RPS6KA5: variants seen among roughly 807,000 people sequenced by gnomAD.
RPS6KA5 encodes the protein ribosomal protein S6 kinase alpha-5.
Under a neutral mutation model 85.5 loss-of-function variants are expected in RPS6KA5, and 27 were observed. The ratio of observed to expected loss-of-function variants is 0.32; its 90% CI spans 0.23 to 0.44. RPS6KA5 has a LOEUF of 0.44. RPS6KA5 is among the 20% of genes least tolerant of loss of function. The pLI is 1.00. For synonymous variants in RPS6KA5, 334 were observed against 348.2 expected (o/e 0.96, Z 0.46); for missense variants, 811 against 980.9 (o/e 0.83, Z 2.31).
intron 13 of RPS6KA5, among the ~76,000 whole-genome samples, chr14:90,891,921 T>A (rs760617587): frequency 4.6e-5 from 7 of 152,064 alleles, no homozygotes; most frequent in African/African-American, 1.7e-4. Context: ...CTTGTCTTCA[T>A]TGAGCCTGCT....
Position 90,894,444 on chromosome 14 carries a change from A to G in RPS6KA5, c.1613T>C (p.Val538Ala). Residue 538 changes from valine (V) to alanine (A), a missense_variant, in exon 13 of 17, where the codon GTT (valine) becomes GCT (alanine). By Grantham distance (64) the Val-to-Ala change is moderately conservative (BLOSUM62 0). This residue lies in a region of RPS6KA5 where 650 missense variants were observed against 793.4 expected (regional missense o/e 0.82). Transcript: ENST00000614987. Reference sequence around the variant, plus strand: ...TTTCAGATCCCTGTGCACCACTCCAACATCATGCATGTGGCTTACAGCTGA... The same window carrying G: ...TTTCAGATCCCTGTGCACCACTCCAGCATCATGCATGTGGCTTACAGCTGA... ...LVSAVSHMHD[V>A]GVVHRDLKPE... 1.2e-6 allele frequency: 2 copies of G among 1,614,106 alleles called. No homozygotes were observed. Among genetic ancestry groups the G allele is most frequent in the Non-Finnish European group, 1.7e-6 (2 of 1,179,990 alleles).
chr14:90,900,101 G>A lies in RPS6KA5; in HGVS notation c.1379+7C>T, dbSNP rs1200037147. 15 of 1,586,814 alleles carry A rather than the reference G, an allele frequency of 9.5e-6. No individual in the cohort carries two copies. Among genetic ancestry groups the A allele is most frequent in the African/African-American group, 1.4e-5 (1 of 73,808 alleles). ...AAGAAAGAATATTATATTAAAAATG[G>A]TCATACCTTTTGCTGATTATTTTGA... On this transcript the variant is annotated splice_region_variant and intron_variant, in intron 11 of 16. Coordinates refer to ENST00000614987, the MANE Select transcript of RPS6KA5 (RefSeq NM_004755.4).
chr14:91,008,339 T>G (rs1378197459), intron 1 of RPS6KA5, among the ~76,000 whole-genome samples: 1 of 152,244 alleles, frequency 6.6e-6, no homozygotes, highest in Admixed American at 6.5e-5. Flanking sequence ...CAGATTTTAT[T>G]CAATGAATTA....
chr14:90,998,381 A>C (rs1168802986), intron 2 of RPS6KA5, among the ~76,000 whole-genome samples: 1 of 152,252 alleles, frequency 6.6e-6, no homozygotes, highest in Non-Finnish European at 1.5e-5. Context: ...TTATATCTCA[A>C]TAAAGTTGTT....
At chr14:90,986,273 CAACT>C (rs1183948656) in intron 2 of RPS6KA5, among the ~76,000 whole-genome samples, 1 of 152,014 alleles carries the variant, frequency 6.6e-6, no homozygotes, top group African/African-American at 2.4e-5. Context: ...CTACACATAC[CAACT>C]GTGTCATACG....
rs998939249 is a variant in RPS6KA5 at position 90,854,484 on chromosome 14, T to A, written c.*17590A>T. On this transcript the variant is annotated 3_prime_UTR_variant, in exon 17 of 17. Transcript: ENST00000614987. Reference sequence around the variant, plus strand: ...TATTTAACTAGAATTTTTAAAGACTTGCGATTTTGCTAAATGTATCATCAT... The same window carrying A: ...TATTTAACTAGAATTTTTAAAGACTAGCGATTTTGCTAAATGTATCATCAT... The A allele has an allele frequency of 6.6e-6, 1 of 152,182 alleles. No individual in the cohort carries two copies. The highest frequency in any genetic ancestry group is 1.5e-5 in the Non-Finnish European group (1 of 68,026). 9.4% of individuals were successfully genotyped at this position (152,182 alleles called of 1,614,324 possible).
chr14:90,974,722 G>T (rs529140183), intron 3 of RPS6KA5, among the ~76,000 whole-genome samples: 1 of 152,334 alleles, frequency 6.6e-6, no homozygotes, highest in East Asian at 1.9e-4. Flanking sequence ...TACCAGACAT[G>T]AGAATGAAAC....
At chr14:90,906,589 A>T (rs2035517992) in intron 7 of RPS6KA5, among the ~76,000 whole-genome samples, 1 of 152,226 alleles carries the variant, frequency 6.6e-6, no homozygotes, top group Admixed American at 6.5e-5. Flanking sequence ...GGAAAAACGG[A>T]AAAGCCTGGG....
intron 1 of RPS6KA5, among the ~76,000 whole-genome samples, chr14:91,051,977 A>G (rs1453157034): frequency 6.6e-6 from 1 of 152,198 alleles, no homozygotes; most frequent in African/African-American, 2.4e-5. Flanking sequence ...CAGAATTTCC[A>G]TGGAAATGCC....
At chr14:90,886,052 CA>C (rs2034204834) in intron 14 of RPS6KA5, among the ~76,000 whole-genome samples, 1 of 151,732 alleles carries the variant, frequency 6.6e-6, no homozygotes, top group Non-Finnish European at 1.5e-5. Context: ...AATACTGTAG[CA>C]AGGTATAGCT....
intron 1 of RPS6KA5, among the ~76,000 whole-genome samples, chr14:91,050,135 T>C (rs2043015393): frequency 6.6e-6 from 1 of 152,112 alleles, no homozygotes; most frequent in South Asian, 2.1e-4. Flanking sequence ...CTCAGCACTT[T>C]GGGAGGCTGA....
intron 1 of RPS6KA5, among the ~76,000 whole-genome samples, chr14:91,015,811 T>G (rs959965144): frequency 2.6e-5 from 4 of 152,204 alleles, no homozygotes; most frequent in Admixed American, 6.5e-5. Flanking sequence ...TTTTCAAGAA[T>G]AATCCTACTT....
intron 5 of RPS6KA5, among the ~76,000 whole-genome samples, chr14:90,930,756 C>T (rs796092120): frequency 5.4e-4 from 82 of 152,206 alleles, no homozygotes; most frequent in African/African-American, 1.8e-3. Flanking sequence ...AGATAACATA[C>T]AAATGGTTAA....
At chr14:91,034,728 G>A (rs2012280) in intron 1 of RPS6KA5, among the ~76,000 whole-genome samples, 2 of 151,984 alleles carry the variant, frequency 1.3e-5, no homozygotes, top group African/African-American at 4.8e-5. Context: ...ATCTTGCTGC[G>A]GTGCACTCTT....
intron 14 of RPS6KA5, 71 bp from the exon 15 acceptor site, chr14:90,875,431 G>GAT: frequency 1.5e-6 from 2 of 1,374,950 alleles, no homozygotes; most frequent in South Asian, 2.7e-5. Context: ...AATCCTAATA[G>GAT]TAACGTAACT....
At chr14:91,039,073 C>T (rs1595531641) in intron 1 of RPS6KA5, among the ~76,000 whole-genome samples, 3 of 152,144 alleles carry the variant, frequency 2.0e-5, no homozygotes, top group Admixed American at 2.0e-4. Context: ...TATTGATTTC[C>T]ACCATCCCCA....
At chr14:91,017,879 C>A (rs1352474813) in intron 1 of RPS6KA5, among the ~76,000 whole-genome samples, 1 of 152,164 alleles carries the variant, frequency 6.6e-6, no homozygotes, top group Non-Finnish European at 1.5e-5. Flanking sequence ...GCTCCTTATG[C>A]CTTTGTATCA....
chr14:90,972,182 T>C (rs2039349961), intron 3 of RPS6KA5, among the ~76,000 whole-genome samples: 1 of 152,208 alleles, frequency 6.6e-6, no homozygotes, highest in Admixed American at 6.5e-5. Context: ...TCTCCCTAAA[T>C]TAATTTTTTA....
chr14:91,040,712 T>C (rs2042574738), intron 1 of RPS6KA5, among the ~76,000 whole-genome samples: 1 of 152,068 alleles, frequency 6.6e-6, no homozygotes, highest in East Asian at 1.9e-4. Flanking sequence ...CAAGCAGAGA[T>C]AGCAGCTAAT....
Sources: gnomAD v4.1 joint callset for allele counts (sites outside exome capture counted in the v4.1 genomes callset) on GRCh38, gnomAD v4.1.1 for gene constraint, gnomAD v4.1.1 regional missense constraint, MANE v1.5 for transcripts, NCBI Gene and HGNC (gene_info 2026-07-23, HGNC 2026-07-21) for gene names.